VRK1: variants seen among roughly 807,000 people sequenced by gnomAD.
VRK1 encodes serine/threonine-protein kinase VRK1.
VRK1 carries 33 observed loss-of-function variants against 57.1 expected under a neutral mutation model. The observed-to-expected ratio is 0.58, with a 90% confidence interval of 0.44 to 0.77. The LOEUF (loss-of-function observed/expected upper bound fraction) is 0.77, where lower values mean the gene tolerates loss of function less well. VRK1 is among the 30% of genes least tolerant of loss of function. The pLI is 0.00. For missense variants in VRK1, 413 were observed against 477.3 expected (o/e 0.87, Z 1.25); for synonymous variants, 137 against 147.8 (o/e 0.93, Z 0.53).
At chr14:96,813,260 T>C (rs1407880592) in intron 1 of VRK1, among the ~76,000 whole-genome samples, 2 of 152,226 alleles carry the variant, frequency 1.3e-5, no homozygotes, top group East Asian at 1.9e-4. Flanking sequence ...GATTTTCACC[T>C]TACTTTCTTT....
At chr14:96,849,730 G>T (rs1222568423) in intron 5 of VRK1, among the ~76,000 whole-genome samples, 1 of 152,180 alleles carries the variant, frequency 6.6e-6, no homozygotes, top group African/African-American at 2.4e-5. Flanking sequence ...GGTTTCATTT[G>T]TTTGTCTATG....
chr14:96,833,728 A>G lies in VRK1; in HGVS notation c.160+97A>G, dbSNP rs188914224. On this transcript the variant is annotated intron_variant, in intron 2 of 12. Coordinates refer to ENST00000216639, the MANE Select transcript of VRK1 (RefSeq NM_003384.3). ...TATGAGCTGTTATGGGATGTTCCTA[A>G]TAATCTGCAGTCAACTTAATAGTTT... 3.5e-3 allele frequency: 5,520 copies of G among 1,559,712 alleles called. 15 individuals carry two copies. Among genetic ancestry groups the G allele is most frequent in the Middle Eastern group, 5.7e-3 (34 of 5,946 alleles).
At chr14:96,823,916 A>G (rs923636553) in intron 1 of VRK1, among the ~76,000 whole-genome samples, 15 of 152,178 alleles carry the variant, frequency 9.9e-5, no homozygotes, top group African/African-American at 3.6e-4. Context: ...ACATTTATTC[A>G]TTCATCTGTT....
At chr14:96,860,445 C>G in intron 10 of VRK1, 112 bp from the exon 11 acceptor site, 1 of 1,040,840 alleles carries the variant, frequency 9.6e-7, no homozygotes, top group Non-Finnish European at 1.4e-6. Context: ...AAATAGGTAT[C>G]TTAACAAGAT....
At chr14:96,799,083 C>T (rs1214644925) in intron 1 of VRK1, among the ~76,000 whole-genome samples, 2 of 152,114 alleles carry the variant, frequency 1.3e-5, no homozygotes, top group Admixed American at 6.5e-5. Flanking sequence ...GCAATGTCTT[C>T]TTGTTATGTT....
intron 1 of VRK1, among the ~76,000 whole-genome samples, chr14:96,829,802 C>T (rs1443327223): frequency 6.6e-6 from 1 of 152,096 alleles, no homozygotes; most frequent in Admixed American, 6.6e-5. Flanking sequence ...TCTTTTCTCT[C>T]TTTTATAACC....
intron 11 of VRK1, among the ~76,000 whole-genome samples, chr14:96,866,385 T>C (rs1334910115): frequency 6.6e-6 from 1 of 152,136 alleles, no homozygotes; most frequent in African/African-American, 2.4e-5. Flanking sequence ...AAATGTGAGT[T>C]TATTAATTTG....
At chr14:96,803,790 G>A (rs935235902) in intron 1 of VRK1, among the ~76,000 whole-genome samples, 3 of 152,066 alleles carry the variant, frequency 2.0e-5, no homozygotes, top group Admixed American at 2.0e-4. Flanking sequence ...GCATCCTAAT[G>A]GCTGATGATT....
intron 1 of VRK1, among the ~76,000 whole-genome samples, chr14:96,814,635 A>G (rs894133758): frequency 2.0e-5 from 3 of 152,164 alleles, no homozygotes; most frequent in African/African-American, 4.8e-5. Context: ...GTAATGTGCT[A>G]TATGTACACG....
intron 11 of VRK1, among the ~76,000 whole-genome samples, chr14:96,868,385 A>C (rs139442168): frequency 5.1e-4 from 78 of 152,258 alleles, no homozygotes; most frequent in African/African-American, 1.9e-3. Context: ...TTTTTAAAAA[A>C]CTTCCTAGGT....
At chr14:96,866,656 A>G (rs948333698) in intron 11 of VRK1, among the ~76,000 whole-genome samples, 1 of 152,098 alleles carries the variant, frequency 6.6e-6, no homozygotes, top group South Asian at 2.1e-4. Flanking sequence ...CCTCTTTTCA[A>G]CGGGCTTAAG....
chr14:96,822,459 G>A (rs1381763020), intron 1 of VRK1, among the ~76,000 whole-genome samples: 5 of 152,128 alleles, frequency 3.3e-5, no homozygotes, highest in African/African-American at 1.2e-4. Flanking sequence ...ACATTAAAGG[G>A]AAAATAGGGT....
intron 1 of VRK1, among the ~76,000 whole-genome samples, chr14:96,799,273 A>C (rs1464163674): frequency 6.6e-6 from 1 of 152,210 alleles, no homozygotes; most frequent in Non-Finnish European, 1.5e-5. Flanking sequence ...ACAGTAATGC[A>C]TTCAAAATGT....
At chr14:96,872,985 T>C (rs1251209008) in intron 11 of VRK1, among the ~76,000 whole-genome samples, 1 of 152,212 alleles carries the variant, frequency 6.6e-6, no homozygotes, top group Non-Finnish European at 1.5e-5. Context: ...ACATATGTGC[T>C]ATATGAAGCA....
At position 96,881,234 on chromosome 14, in the gene VRK1, T is replaced by C; in HGVS notation, c.*26T>C. On this transcript the variant is annotated 3_prime_UTR_variant, in exon 13 of 13. Coordinates refer to ENST00000216639, the MANE Select transcript of VRK1 (RefSeq NM_003384.3). ...TTCAGATGCTGTGAACCAGATTTCC[T>C]TTTCTTTGTTTTCTTTTGACTTTTT... 1 of 1,578,050 alleles carries C rather than the reference T, an allele frequency of 6.3e-7. No individual in the cohort carries two copies. Among genetic ancestry groups the C allele is most frequent in the South Asian group, 1.2e-5 (1 of 86,768 alleles).
chr14:96,809,324 G>A (rs993566460), intron 1 of VRK1, among the ~76,000 whole-genome samples: 1 of 152,130 alleles, frequency 6.6e-6, no homozygotes, highest in African/African-American at 2.4e-5. Context: ...GTGTGTCAAA[G>A]AATTTGTGGT....
At chr14:96,831,710 A>G (rs922030351) in intron 1 of VRK1, among the ~76,000 whole-genome samples, 1 of 152,196 alleles carries the variant, frequency 6.6e-6, no homozygotes, top group Non-Finnish European at 1.5e-5. Context: ...CTATTTTGAG[A>G]TATATAAAGA....
At chr14:96,876,776 CAAA>C (rs5810784) in intron 12 of VRK1, among the ~76,000 whole-genome samples, 12 of 126,708 alleles carry the variant, frequency 9.5e-5, no homozygotes, top group Non-Finnish European at 1.2e-4. Context: ...GTTCTTGAAG[CAAA>C]AAAAAAAAAA....
chr14:96,801,019 A>T (rs1351227365), intron 1 of VRK1, among the ~76,000 whole-genome samples: 1 of 152,164 alleles, frequency 6.6e-6, no homozygotes, highest in South Asian at 2.1e-4. Context: ...ATGAGAACTG[A>T]AAGTCATTAG....
Sources: gnomAD v4.1 joint callset for allele counts (sites outside exome capture counted in the v4.1 genomes callset) on GRCh38, gnomAD v4.1.1 for gene constraint, MANE v1.5 for transcripts, NCBI Gene and HGNC (gene_info 2026-07-23, HGNC 2026-07-21) for gene names.